MIB1: variants seen among roughly 807,000 people sequenced by gnomAD.
MIB1 encodes the protein E3 ubiquitin-protein ligase MIB1.
Under a neutral mutation model 124.5 loss-of-function variants are expected in MIB1, and 278 were observed. That is an observed-to-expected ratio of 2.23 (90% confidence interval 2.02 to 2.47). The LOEUF is 2.47. MIB1 is among the 30% of genes most tolerant of loss of function. The pLI, the probability that MIB1 is intolerant of heterozygous loss-of-function variation, is 0.00. For missense variants in MIB1, 957 were observed against 1,254.4 expected, an observed-to-expected ratio of 0.76 and a Z score of 3.58; for synonymous variants, 446 against 429.4, an observed-to-expected ratio of 1.04 and a Z score of -0.48.
At chr18:21,858,713 A>G (rs1181946831) in intron 20 of MIB1, 67 bp downstream of exon 20, 10 of 812,096 alleles carry the variant, frequency 1.2e-5, no homozygotes, top group Admixed American at 3.7e-5. Flanking sequence ...TAAAACTACT[A>G]GTGTTTCTGT....
chr18:21,807,170 T>G (rs2041718633), intron 10 of MIB1, among the ~76,000 whole-genome samples: 1 of 152,176 alleles, frequency 6.6e-6, no homozygotes, highest in Non-Finnish European at 1.5e-5. Flanking sequence ...CTGATTCACA[T>G]CTGTAATCCA....
rs183980608 is a variant in MIB1, at chr18:21,783,746, T to G, written c.908+4061T>G. 7.2e-5 allele frequency among the ~76,000 whole-genome samples: 11 copies of G among 152,180 alleles called. No homozygotes were observed. The East Asian group carries it at 2.1e-3, about 29-fold the overall frequency. On this transcript the variant is annotated intron_variant, in intron 6 of 20. Coordinates refer to ENST00000261537, the MANE Select transcript of MIB1 (RefSeq NM_020774.4). ...GTTTTAATGTGTTTTTTAAATAAAT[T>G]TTATCATTTTTTGTTTTTGAGACAA...
intron 1 of MIB1, among the ~76,000 whole-genome samples, chr18:21,718,064 G>C (rs1341303175): frequency 1.3e-5 from 2 of 152,222 alleles, no homozygotes; most frequent in African/African-American, 2.4e-5. Context: ...TCAGCCATAA[G>C]AAGGAATGAA....
Position 21,844,115 on chromosome 18 carries a change from G to C in MIB1, c.2073G>C (p.Lys691Asn). The C allele has an allele frequency of 6.2e-7, 1 of 1,614,070 alleles. No individual in the cohort carries two copies. The highest frequency in any genetic ancestry group is 8.5e-7 in the Non-Finnish European group (1 of 1,180,026). The change falls in exon 15 of 21, where the codon AAG becomes AAC. Residue 691 changes from lysine to asparagine, a missense_variant. Transcript: ENST00000261537. ...AGCTTTTGGTCCGTGCAGGTGCCAAGCTTGATATTCAGGATAAGGATGGGG... is the reference window on the plus strand; with the variant it reads ...AGCTTTTGGTCCGTGCAGGTGCCAACCTTGATATTCAGGATAAGGATGGGG... ...IVRLLVRAGA[K>N]LDIQDKDGDT...
intron 1 of MIB1, among the ~76,000 whole-genome samples, chr18:21,706,701 C>T: frequency 6.6e-6 from 1 of 152,180 alleles, no homozygotes; most frequent in African/African-American, 2.4e-5. Context: ...ACCAGCAGTG[C>T]CAGCCCGCCA....
chr18:21,746,884 T>G (rs1598589293), intron 1 of MIB1, among the ~76,000 whole-genome samples: 1 of 152,256 alleles, frequency 6.6e-6, no homozygotes, highest in South Asian at 2.1e-4. Flanking sequence ...TCTCAGATGT[T>G]TTGTATTCAG....
intron 13 of MIB1, among the ~76,000 whole-genome samples, chr18:21,839,110 C>G (rs1405905536): frequency 4.6e-5 from 7 of 152,114 alleles, no homozygotes; most frequent in Admixed American, 4.6e-4. Context: ...TATAGATGCA[C>G]TGAAGTTATC....
chr18:21,810,107 A>G (rs1464104019), intron 10 of MIB1, among the ~76,000 whole-genome samples: 3 of 152,144 alleles, frequency 2.0e-5, no homozygotes, highest in Non-Finnish European at 4.4e-5. Flanking sequence ...CAATCTGTTA[A>G]CAATGAATCT....
At chr18:21,811,716 AG>A (rs1262855146) in intron 10 of MIB1, among the ~76,000 whole-genome samples, 4 of 152,112 alleles carry the variant, frequency 2.6e-5, no homozygotes, top group Non-Finnish European at 4.4e-5. Context: ...TAGGAGGAAT[AG>A]GGTGTAGAGT....
chr18:21,773,825 G>A, intron 4 of MIB1, 97 bp downstream of exon 4: 1 of 690,328 alleles, frequency 1.4e-6, no homozygotes, highest in Middle Eastern at 2.6e-4. Flanking sequence ...ATCTCCCTTT[G>A]TCAGAACCTT....
At chr18:21,812,935 A>G (rs2041790580) in intron 10 of MIB1, among the ~76,000 whole-genome samples, 1 of 152,214 alleles carries the variant, frequency 6.6e-6, no homozygotes, top group Admixed American at 6.5e-5. Flanking sequence ...ATTTTATTAT[A>G]ACTGCAGTTT....
At chr18:21,802,704 AAG>A (rs2146457990) in intron 9 of MIB1, among the ~76,000 whole-genome samples, 1 of 152,246 alleles carries the variant, frequency 6.6e-6, no homozygotes, top group Non-Finnish European at 1.5e-5. Flanking sequence ...GTTCTTCTAT[AAG>A]AGGGGACAAA....
At chr18:21,737,757 C>A (rs1254543332), upstream of MIB1, among the ~76,000 whole-genome samples, 2 of 152,104 alleles carry the variant, frequency 1.3e-5, no homozygotes, top group Admixed American at 1.3e-4. Flanking sequence ...GACTTTAAAC[C>A]AACAAAGATC....
chr18:21,845,399 G>GT (rs1289125301), intron 15 of MIB1, among the ~76,000 whole-genome samples: 2 of 152,074 alleles, frequency 1.3e-5, no homozygotes, highest in Non-Finnish European at 2.9e-5. Context: ...CATCATTTGT[G>GT]TTTTTTGTGT....
intron 10 of MIB1, among the ~76,000 whole-genome samples, chr18:21,811,429 C>T (rs2041772244): frequency 6.6e-6 from 1 of 152,126 alleles, no homozygotes; most frequent in Non-Finnish European, 1.5e-5. Context: ...GTGTTTTTAG[C>T]AGCAGCATTC....
At chr18:21,830,958 A>G (rs539426014) in intron 12 of MIB1, among the ~76,000 whole-genome samples, 46 of 152,246 alleles carry the variant, frequency 3.0e-4, no homozygotes, top group African/African-American at 9.9e-4. Flanking sequence ...GGAATGTCAT[A>G]TAACAGTCTT....
At chr18:21,836,271 AG>A (rs1351732083) in intron 12 of MIB1, among the ~76,000 whole-genome samples, 5 of 148,218 alleles carry the variant, frequency 3.4e-5, no homozygotes, top group East Asian at 2.0e-4. Flanking sequence ...AAAAAACAAA[AG>A]GTTTTTTTTT....
rs1300704458 is a variant in MIB1 at position 21,857,637 on chromosome 18, T to A, written c.2779+394T>A. On this transcript the variant is annotated intron_variant, in intron 19 of 20. Transcript: ENST00000261537. ...CTGCTTCCATTATGCAACAGGTTTA[T>A]TTGCTTCATTTAAGTATTTTATGGA... Among the ~76,000 whole-genome samples, 3 of 152,268 alleles carry A rather than the reference T, an allele frequency of 2.0e-5. No homozygotes were observed. The East Asian group carries it at 5.8e-4, about 29-fold the overall frequency.
chr18:21,779,288 CT>C (rs1424800192), intron 5 of MIB1, among the ~76,000 whole-genome samples, 192 bp from the exon 6 acceptor site: 3 of 151,968 alleles, frequency 2.0e-5, no homozygotes, highest in Non-Finnish European at 4.4e-5. Context: ...ATTTTTGAGT[CT>C]GTTTGGCTTT....
Sources: gnomAD v4.1 joint callset for allele counts (sites outside exome capture counted in the v4.1 genomes callset) on GRCh38, gnomAD v4.1.1 for gene constraint, MANE v1.5 for transcripts, NCBI Gene and HGNC (gene_info 2026-07-23, HGNC 2026-07-21) for gene names.